WWC2: variants seen among roughly 807,000 people sequenced by gnomAD.
WWC2 encodes the protein WW and C2 domain containing 2.
WWC2 carries 101 observed loss-of-function variants against 138.5 expected under a neutral mutation model. The ratio of observed to expected loss-of-function variants is 0.73; its 90% CI spans 0.62 to 0.86. The LOEUF (loss-of-function observed/expected upper bound fraction) is 0.86, where lower values mean the gene tolerates loss of function less well. Among genes scored for constraint, WWC2 ranks in the 40% least tolerant of loss-of-function variants. The pLI is 0.00. For missense variants in WWC2, 1,420 were observed against 1,419.4 expected (o/e 1.00, Z -0.01); for synonymous variants, 558 against 538.4 (o/e 1.04, Z -0.50).
At chr4:183,140,284 ATTGTAAACTGTGACC>A in intron 1 of WWC2, among the ~76,000 whole-genome samples, 1 of 152,378 alleles carries the variant, frequency 6.6e-6, no homozygotes, top group South Asian at 2.1e-4. Context: ...CAGTGAGTAC[ATTGTAAACTGTGACC>A]TTGGTGGTCC....
intron 21 of WWC2, among the ~76,000 whole-genome samples, chr4:183,310,983 A>G (rs754771585): frequency 1.3e-5 from 2 of 152,176 alleles, no homozygotes; most frequent in Non-Finnish European, 2.9e-5. Flanking sequence ...CAGTGTACAA[A>G]TGGAGAAACT....
rs1380028999 is a variant in WWC2, at chr4:183,209,060, CAT to C, written c.522+38_522+39del. ...TTTAAATTGTGGTTCTATGTTGACC[CAT>C]ATGCATAGAGTCTGAAGGCTGTGGA... On this transcript the variant is annotated intron_variant, in intron 4 of 22. Transcript: ENST00000403733. 5 of 1,422,156 alleles carry C rather than the reference CAT, an allele frequency of 3.5e-6. No homozygotes were observed. In the Admixed American group the frequency reaches 5.9e-5, roughly 17 times the overall value. The allele number at this position is 1,422,156 out of a possible 1,614,324, so 88.1% of individuals were successfully genotyped here. A position where few individuals can be genotyped will look rare whatever the true frequency, so the allele number is the denominator to read the frequency against.
intron 1 of WWC2, among the ~76,000 whole-genome samples, chr4:183,154,807 G>A (rs1733750288): frequency 6.6e-6 from 1 of 152,168 alleles, no homozygotes; most frequent in Non-Finnish European, 1.5e-5. Flanking sequence ...GCCAATGACA[G>A]TATGCTGCAA....
chr4:183,304,187 A>G (rs1232948682), intron 21 of WWC2, among the ~76,000 whole-genome samples: 2 of 152,128 alleles, frequency 1.3e-5, no homozygotes, highest in Non-Finnish European at 2.9e-5. Context: ...CTGCCCCCAG[A>G]ATTGGAGAGA....
At chr4:183,189,561 A>G (rs1227248809) in intron 1 of WWC2, among the ~76,000 whole-genome samples, 1 of 152,226 alleles carries the variant, frequency 6.6e-6, no homozygotes, top group Non-Finnish European at 1.5e-5. Flanking sequence ...TGTGAAACAC[A>G]TCTTTACTTC....
At chr4:183,111,990 G>A (rs962291525) in intron 1 of WWC2, among the ~76,000 whole-genome samples, 17 of 152,058 alleles carry the variant, frequency 1.1e-4, no homozygotes, top group African/African-American at 3.6e-4. Context: ...GAGCCACCAC[G>A]CCCAGCCAGA....
Position 183,312,415 on chromosome 4 carries a change from G to C in WWC2, c.3459G>C (p.Val1153=). Residue 1153 remains valine, a synonymous_variant, in exon 22 of 23, where the codon GTG becomes GTC. Coordinates refer to ENST00000403733, the MANE Select transcript of WWC2 (RefSeq NM_024949.6). Reference sequence around the variant, plus strand: ...TGATGAGGCAAGTCTCCAAGGACGTGTGTCGGCTCCGGGAGCAGAGCCAGA... The same window carrying C: ...TGATGAGGCAAGTCTCCAAGGACGTCTGTCGGCTCCGGGAGCAGAGCCAGA... ...EKLMRQVSKD[V]CRLREQSQKV... The C allele has an allele frequency of 6.2e-7, 1 of 1,613,898 alleles. No homozygotes were observed. The highest frequency in any genetic ancestry group is 1.3e-5 in the African/African-American group (1 of 75,050).
intron 5 of WWC2, among the ~76,000 whole-genome samples, chr4:183,243,909 A>G (rs1204808487): frequency 2.0e-5 from 3 of 152,126 alleles, no homozygotes; most frequent in Admixed American, 6.6e-5. Context: ...GCAGCATAAG[A>G]TAGTTACTAA....
rs551883972 is a variant in WWC2 at position 183,255,877 on chromosome 4, C to CTTTTTTTTTTT, written c.1196+1882_1196+1892dup. ...CCAGTGAAATAGGAGGCTTTTTTTC[C>CTTTTTTTTTTT]TTTTTTTTTTTTTTAACGAACAGCC... On this transcript the variant is annotated intron_variant, in intron 9 of 22. Transcript: ENST00000403733. Among the ~76,000 whole-genome samples the CTTTTTTTTTTT allele has an allele frequency of 4.5e-3, 630 of 140,684 alleles. 12 individuals are homozygous for CTTTTTTTTTTT. The highest frequency in any genetic ancestry group is 0.016 in the African/African-American group (591 of 37,654). 92.3% of individuals were successfully genotyped at this position (140,684 alleles called of 152,430 possible). A position where few individuals can be genotyped will look rare whatever the true frequency, so the allele number is the denominator to read the frequency against.
intron 9 of WWC2, 98 bp from the exon 10 acceptor site, chr4:183,259,541 C>A: frequency 1.0e-6 from 1 of 958,864 alleles, no homozygotes; most frequent in Admixed American, 3.0e-5. Flanking sequence ...CACATTTTTC[C>A]CTTGTGATCT....
intron 4 of WWC2, among the ~76,000 whole-genome samples, chr4:183,224,525 C>T (rs747141505): frequency 6.6e-6 from 1 of 151,966 alleles, no homozygotes; most frequent in Non-Finnish European, 1.5e-5. Flanking sequence ...CCAGAGATAA[C>T]CAACAGAGTT....
At chr4:183,209,296 T>C (rs1735531070) in intron 4 of WWC2, among the ~76,000 whole-genome samples, 1 of 152,160 alleles carries the variant, frequency 6.6e-6, no homozygotes, top group Non-Finnish European at 1.5e-5. Flanking sequence ...TCACCCAGGC[T>C]AGCGCACTGC....
rs1293020337 is a variant in WWC2, at chr4:183,123,388, C to A, written c.131+23766C>A. The stretch of plus-strand genomic sequence containing the variant: ...ATCTCAGTGACAGTGTTTAGAGAAA[C>A]ACAGCAAGTTTCAGGTGTGTGTGTG... On this transcript the variant is annotated intron_variant, in intron 1 of 22. Transcript: ENST00000403733. Among the ~76,000 whole-genome samples the A allele has an allele frequency of 3.5e-5, 5 of 142,920 alleles. No individual in the cohort carries two copies. The South Asian group carries it at 7.0e-4, about 20-fold the overall frequency. The allele number at this position is 142,920 out of a possible 152,430, so 93.8% of individuals were successfully genotyped here.
At chr4:183,215,730 A>G (rs1735738011) in intron 4 of WWC2, among the ~76,000 whole-genome samples, 1 of 152,198 alleles carries the variant, frequency 6.6e-6, no homozygotes, top group Non-Finnish European at 1.5e-5. Flanking sequence ...TAAAAAAGAA[A>G]TCATTCACTG....
At chr4:183,301,585 A>G (rs1027237553) in intron 21 of WWC2, among the ~76,000 whole-genome samples, 1 of 152,238 alleles carries the variant, frequency 6.6e-6, no homozygotes, top group African/African-American at 2.4e-5. Flanking sequence ...TAGTGTGAGT[A>G]TAATTGTTTC....
At chr4:183,312,303 G>A in intron 21 of WWC2, 38 bp from the exon 22 acceptor site, 3 of 1,605,450 alleles carry the variant, frequency 1.9e-6, no homozygotes, top group East Asian at 2.2e-5. Flanking sequence ...TCTAATCAGT[G>A]TTTTGTGTGT....
intron 1 of WWC2, among the ~76,000 whole-genome samples, chr4:183,138,977 T>G (rs181624959): frequency 6.6e-6 from 1 of 152,220 alleles, no homozygotes; most frequent in African/African-American, 2.4e-5. Flanking sequence ...TCACATGTAC[T>G]CTGCATCTTG....
At chr4:183,284,479 C>G in intron 19 of WWC2, 89 bp downstream of exon 19, 1 of 1,426,428 alleles carries the variant, frequency 7.0e-7, no homozygotes, top group Non-Finnish European at 9.5e-7. Flanking sequence ...AGAGACTGTG[C>G]ACTGGGAGTC....
intron 1 of WWC2, among the ~76,000 whole-genome samples, chr4:183,180,698 GA>G (rs1237868864): frequency 6.6e-6 from 1 of 151,048 alleles, no homozygotes; most frequent in Non-Finnish European, 1.5e-5. Context: ...TATATATCTT[GA>G]AAACATTTTG....
Sources: allele counts gnomAD v4.1 joint callset (sites outside exome capture counted in the v4.1 genomes callset), GRCh38; gene constraint gnomAD v4.1.1; transcripts MANE v1.5; gene names NCBI Gene and HGNC (gene_info 2026-07-23, HGNC 2026-07-21).